Variants in DNM3 observed in about 807,000 individuals in gnomAD.
DNM3 encodes the protein dynamin 3, also known as dynamin-3.
A neutral mutation model predicts 101.6 loss-of-function variants in DNM3; 47 were observed. The ratio of observed to expected loss-of-function variants is 0.46; its 90% CI spans 0.37 to 0.59. The LOEUF (loss-of-function observed/expected upper bound fraction) is 0.59, where lower values mean the gene tolerates loss of function less well. Among genes scored for constraint, DNM3 ranks in the 20% least tolerant of loss-of-function variants. DNM3 has a pLI of 0.00. For missense variants in DNM3, 849 were observed against 1,085.7 expected, an observed-to-expected ratio of 0.78 and a Z score of 3.06; for synonymous variants, 385 against 387.9, an observed-to-expected ratio of 0.99 and a Z score of 0.09.
At chr1:172,078,303 A>G (rs1462492257) in intron 11 of DNM3, among the ~76,000 whole-genome samples, 1 of 152,142 alleles carries the variant, frequency 6.6e-6, no homozygotes, top group African/African-American at 2.4e-5. Flanking sequence ...CATATTAGCC[A>G]GGATGTTCTC....
rs898370698 is a variant in DNM3, at chr1:172,048,273, T to A, written c.1197-339T>A. Among the ~76,000 whole-genome samples the A allele has an allele frequency of 7.2e-5, 11 of 152,188 alleles. No homozygotes were observed. The East Asian group carries it at 2.1e-3, about 29-fold the overall frequency. ...ATTGTATAATCTAGAAACTCTACTA[T>A]TTTAGTGTATAAAAAGTGAAGCTCA... On this transcript the variant is annotated intron_variant, in intron 9 of 20. Transcript: ENST00000627582.
intron 2 of DNM3, among the ~76,000 whole-genome samples, chr1:171,951,771 T>G (rs2042542156): frequency 6.6e-6 from 1 of 152,176 alleles, no homozygotes; most frequent in Admixed American, 6.6e-5. Flanking sequence ...AAAGGTTTAT[T>G]ATGAGCCCAT....
At chr1:172,319,709 A>G (rs1444677709) in intron 16 of DNM3, among the ~76,000 whole-genome samples, 17 of 152,200 alleles carry the variant, frequency 1.1e-4, no homozygotes, top group African/African-American at 2.2e-4. Context: ...TTAGAATGGC[A>G]ATCATTAAAA....
At chr1:172,159,739 G>T (rs898581280) in intron 14 of DNM3, among the ~76,000 whole-genome samples, 3 of 152,020 alleles carry the variant, frequency 2.0e-5, no homozygotes, top group East Asian at 1.9e-4. Context: ...TTCACTAAAA[G>T]GCTACACGAA....
At chr1:172,169,257 T>C (rs953914476) in intron 14 of DNM3, among the ~76,000 whole-genome samples, 1 of 151,926 alleles carries the variant, frequency 6.6e-6, no homozygotes. Context: ...TGAGCTGAGT[T>C]TGGGTACTCT....
At chr1:171,949,530 CT>C (rs1371013454) in intron 2 of DNM3, among the ~76,000 whole-genome samples, 1 of 152,088 alleles carries the variant, frequency 6.6e-6, no homozygotes, top group Non-Finnish European at 1.5e-5. Context: ...CCACCTCAGC[CT>C]CCTGAATATA....
At chr1:172,401,399 C>T (rs910708896) in intron 20 of DNM3, among the ~76,000 whole-genome samples, 1 of 152,060 alleles carries the variant, frequency 6.6e-6, no homozygotes, top group Admixed American at 6.5e-5. Context: ...ATATGTAGGA[C>T]AATGTAAAGA....
At chr1:171,874,775 T>C (rs1246008488) in intron 1 of DNM3, among the ~76,000 whole-genome samples, 2 of 151,620 alleles carry the variant, frequency 1.3e-5, no homozygotes, top group African/African-American at 2.4e-5. Context: ...GTAGTGAACA[T>C]AGTACCCATA....
At chr1:172,118,062 G>T (rs148513014) in intron 13 of DNM3, among the ~76,000 whole-genome samples, 3 of 152,276 alleles carry the variant, frequency 2.0e-5, no homozygotes, top group African/African-American at 7.2e-5. Context: ...GTGCTTAATG[G>T]TGTCTATATC....
rs148058976 is a variant in DNM3 at position 172,378,455 on chromosome 1, G to A, written c.1894-563G>A. Among the ~76,000 whole-genome samples the A allele has an allele frequency of 3.3e-3, 497 of 152,136 alleles. 2 individuals carry two copies. Among genetic ancestry groups the A allele is most frequent in the African/African-American group, 0.011 (468 of 41,538 alleles). On this transcript the variant is annotated intron_variant, in intron 17 of 20. Transcript: ENST00000627582. ...AGTGATGACAGAAGCATGAATTTACGTAACAAATTCCAGCAAGTGCATGGA... is the reference window on the plus strand; with the variant it reads ...AGTGATGACAGAAGCATGAATTTACATAACAAATTCCAGCAAGTGCATGGA...
chr1:172,305,820 C>T (rs2064779830), intron 15 of DNM3, among the ~76,000 whole-genome samples: 1 of 152,156 alleles, frequency 6.6e-6, no homozygotes, highest in South Asian at 2.1e-4. Flanking sequence ...AGGCCTTTGA[C>T]TAAATTCAAC....
intron 14 of DNM3, among the ~76,000 whole-genome samples, chr1:172,166,592 T>A (rs1394580891): frequency 6.6e-6 from 1 of 152,114 alleles, no homozygotes. Context: ...TGGGTTTTAA[T>A]CTGTTTTTGA....
At chr1:172,392,427 T>C (rs2069601723) in intron 20 of DNM3, among the ~76,000 whole-genome samples, 1 of 16,470 alleles carries the variant, frequency 6.1e-5, no homozygotes, top group Non-Finnish European at 5.0e-4. Context: ...ATCCAGTGTG[T>C]ATTTATTTAC....
At chr1:171,906,625 AT>A (rs1404669358) in intron 1 of DNM3, among the ~76,000 whole-genome samples, 1 of 152,152 alleles carries the variant, frequency 6.6e-6, no homozygotes, top group Non-Finnish European at 1.5e-5. Flanking sequence ...AATCATTTAC[AT>A]TTTTTAAGAT....
At chr1:172,188,632 C>G (rs1259694873) in intron 14 of DNM3, among the ~76,000 whole-genome samples, 1 of 152,048 alleles carries the variant, frequency 6.6e-6, no homozygotes, top group Non-Finnish European at 1.5e-5. Flanking sequence ...AAAAGCTACT[C>G]TAAACATTTA....
intron 14 of DNM3, among the ~76,000 whole-genome samples, chr1:172,176,003 A>G (rs183447586): frequency 2.3e-4 from 35 of 151,694 alleles, no homozygotes; most frequent in African/African-American, 8.2e-4. Context: ...AATCCCTCCA[A>G]CCCTCCCAAG....
At chr1:172,168,068 T>C (rs2058816230) in intron 14 of DNM3, among the ~76,000 whole-genome samples, 1 of 152,038 alleles carries the variant, frequency 6.6e-6, no homozygotes, top group Admixed American at 6.6e-5. Flanking sequence ...TCATGGATGT[T>C]ATGCTATTTT....
chr1:171,944,284 A>G (rs10914050), intron 2 of DNM3, among the ~76,000 whole-genome samples: 98,190 of 151,934 alleles, frequency 0.65, 31,921 homozygotes, highest in Middle Eastern at 0.69. Context: ...AAAAACAGAT[A>G]TCAGATTGGG....
At chr1:172,354,388 A>G (rs959624888) in intron 17 of DNM3, among the ~76,000 whole-genome samples, 2 of 152,116 alleles carry the variant, frequency 1.3e-5, no homozygotes, top group Non-Finnish European at 2.9e-5. Context: ...ACACAGAAAT[A>G]GGAGAGGCCA....
Sources: gnomAD v4.1 joint callset for allele counts (sites outside exome capture counted in the v4.1 genomes callset) on GRCh38, gnomAD v4.1.1 for gene constraint, MANE v1.5 for transcripts, NCBI Gene and HGNC (gene_info 2026-07-23, HGNC 2026-07-21) for gene names.